Variants in ALDH5A1 observed in about 807,000 individuals in gnomAD.
ALDH5A1 encodes the protein aldehyde dehydrogenase 5 family member A1, also known as succinate-semialdehyde dehydrogenase, mitochondrial.
ALDH5A1 carries 33 observed loss-of-function variants against 54.7 expected under a neutral mutation model. The ratio of observed to expected loss-of-function variants is 0.60; its 90% CI spans 0.46 to 0.81. The LOEUF (loss-of-function observed/expected upper bound fraction) is 0.81, where lower values mean the gene tolerates loss of function less well. Among genes scored for constraint, ALDH5A1 ranks in the 30% least tolerant of loss-of-function variants. The probability of loss-of-function intolerance (pLI) is 0.00; values close to 1 mark genes in which losing one functional copy is unlikely to be tolerated. For missense variants in ALDH5A1, 657 were observed against 711.0 expected, an observed-to-expected ratio of 0.92 and a Z score of 0.86; for synonymous variants, 294 against 292.7, an observed-to-expected ratio of 1.00 and a Z score of -0.05.
At chr6:24,522,997 A>G in intron 7 of ALDH5A1, 72 bp downstream of exon 7, 2 of 1,131,152 alleles carry the variant, frequency 1.8e-6, no homozygotes, top group Non-Finnish European at 2.4e-6. Context: ...AGCAAAAAAC[A>G]CTTTGGCTGG....
rs960579417 is a variant in ALDH5A1 at position 24,534,546 on chromosome 6, C to T, written c.*834C>T. ...TGGGCGTGTGTTCAGCACCTCCCAT[C>T]CCATGGATACAGTGGAGATTCCATA... is the stretch of plus-strand genomic sequence containing the variant. On this transcript the variant is annotated 3_prime_UTR_variant, in exon 10 of 10. Coordinates refer to ENST00000357578, the MANE Select transcript of ALDH5A1 (RefSeq NM_001080.3). 4 of 152,328 alleles carry T rather than the reference C, an allele frequency of 2.6e-5. No individual in the cohort carries two copies. The highest frequency in any genetic ancestry group is 5.9e-5 in the Non-Finnish European group (4 of 68,136). 9.4% of individuals were successfully genotyped at this position (152,328 alleles called of 1,614,324 possible).
intron 7 of ALDH5A1, among the ~76,000 whole-genome samples, chr6:24,524,500 C>T (rs1581821219): frequency 6.6e-6 from 1 of 152,136 alleles, no homozygotes; most frequent in African/African-American, 2.4e-5. Flanking sequence ...CTCCTCAGAG[C>T]CTGAGAACCA....
At chr6:24,522,709 C>A in intron 6 of ALDH5A1, 58 bp from the exon 7 acceptor site, 1 of 1,597,406 alleles carries the variant, frequency 6.3e-7, no homozygotes, top group South Asian at 1.1e-5. Context: ...CACACGTTCA[C>A]TGGTCAGGTC....
chr6:24,505,570 CTCTG>C (rs1486903030), intron 4 of ALDH5A1, among the ~76,000 whole-genome samples: 1 of 152,164 alleles, frequency 6.6e-6, no homozygotes, highest in Non-Finnish European at 1.5e-5. Context: ...TATACTTTCC[CTCTG>C]TCTGGAGCAG....
In ALDH5A1 at chr6:24,508,392, T is replaced by TAAAAA. The variant is rs1561871767; in HGVS notation, c.726+3409_726+3410insAAAAA. Among the ~76,000 whole-genome samples the TAAAAA allele has an allele frequency of 1.3e-3, 18 of 13,870 alleles. 1 individual carries two copies. Among genetic ancestry groups the TAAAAA allele is most frequent in the African/African-American group, 3.0e-3 (17 of 5,628 alleles). The allele number at this position is 13,870 out of a possible 152,430, so 9.1% of individuals were successfully genotyped here. A position where few individuals can be genotyped will look rare whatever the true frequency, so the allele number is the denominator to read the frequency against. The stretch of plus-strand genomic sequence containing the variant: ...AAAAAAAAAAAAAAAAAAAAAAGAT[T>TAAAAA]AATAGTCTCTAATCCTCTAATCTCA... On this transcript the variant is annotated intron_variant, in intron 4 of 9. Transcript: ENST00000357578.
chr6:24,522,861 TAGGTA>T lies in ALDH5A1; in HGVS notation c.1111_1115del (p.Gly371TrpfsTer3). The T allele has an allele frequency of 6.2e-7, 1 of 1,614,020 alleles. No individual in the cohort carries two copies. Among genetic ancestry groups the T allele is most frequent in the Admixed American group, 1.7e-5 (1 of 60,000 alleles). ...GAGGCCATGAAGAAGAACCTGCGCG[TAGGTA>T]ATGGATTTGAGGAAGGAACTACTCA... is the stretch of plus-strand genomic sequence containing the variant. On this transcript the variant is annotated frameshift_variant, in exon 7 of 10. Transcript: ENST00000357578. LOFTEE classifies it high-confidence loss of function.
At chr6:24,516,179 G>C (rs1314553775) in intron 5 of ALDH5A1, among the ~76,000 whole-genome samples, 1 of 152,006 alleles carries the variant, frequency 6.6e-6, no homozygotes, top group South Asian at 2.1e-4. Context: ...GCTCACACCT[G>C]TAATCCCAAC....
At position 24,503,413 on chromosome 6, in the gene ALDH5A1, G is replaced by T; in HGVS notation, c.589G>T (p.Val197Leu). Reference protein sequence around the residue: ...RALVLKQPIGVAAVITPWNFP... With the variant: ...RALVLKQPIGLAAVITPWNFP... ...CCTGGTCCTCAAGCAGCCCATAGGC[G>T]TGGCTGCAGTCATCACCCCGGTAGG... The change falls in exon 3 of 10, where the codon GTG becomes TTG. Residue 197 changes from valine to leucine, a missense_variant. By Grantham distance (32) the Val-to-Leu change is conservative. This residue lies in a region of ALDH5A1 where 425 missense variants were observed against 516.4 expected (regional missense o/e 0.82). Coordinates refer to ENST00000357578, the MANE Select transcript of ALDH5A1 (RefSeq NM_001080.3). 6 of 1,613,132 alleles carry T rather than the reference G, an allele frequency of 3.7e-6. No homozygotes were observed. The highest frequency in any genetic ancestry group is 5.1e-6 in the Non-Finnish European group (6 of 1,179,946).
chr6:24,511,491 A>G (rs1276873686), intron 4 of ALDH5A1, among the ~76,000 whole-genome samples: 1 of 151,730 alleles, frequency 6.6e-6, no homozygotes, highest in East Asian at 1.9e-4. Flanking sequence ...ATAATCCCAG[A>G]CTTCTTGGAA....
At chr6:24,527,197 T>G (rs754739978) in intron 7 of ALDH5A1, among the ~76,000 whole-genome samples, 4 of 151,716 alleles carry the variant, frequency 2.6e-5, no homozygotes, top group African/African-American at 4.8e-5. Context: ...TCAAGCAAAT[T>G]ATCAATCAGG....
At position 24,533,664 on chromosome 6, in the gene ALDH5A1, C is replaced by T. The variant is rs1260145227; in HGVS notation, c.1560C>T (p.Gly520=). ...SGLGREGSKY[G]IDEYLELKYV... The stretch of plus-strand genomic sequence containing the variant: ...TTGGGCGAGAGGGGTCCAAGTATGG[C>T]ATTGATGAGTATCTGGAACTCAAGT... The change falls in exon 10 of 10, where the codon GGC becomes GGT. Residue 520 remains glycine, a synonymous_variant. Transcript: ENST00000357578. 6.2e-7 allele frequency: 1 copy of T among 1,614,022 alleles called. No homozygotes were observed. The highest frequency in any genetic ancestry group is 8.5e-7 in the Non-Finnish European group (1 of 1,180,012).
At chr6:24,515,102 C>CTTTTTTTTATTTTTTTTTTTT in intron 4 of ALDH5A1, 65 bp from the exon 5 acceptor site, 1 of 927,262 alleles carries the variant, frequency 1.1e-6, no homozygotes, top group Non-Finnish European at 1.5e-6. Context: ...TTTCTCTTTT[C>CTTTTTTTTATTTTTTTTTTTT]TTTTTTTTTT....
chr6:24,522,770 T>C lies in ALDH5A1; in HGVS notation c.1018T>C (p.Cys340Arg). 6.2e-7 allele frequency: 1 copy of C among 1,613,826 alleles called. No individual in the cohort carries two copies. The highest frequency in any genetic ancestry group is 2.2e-5 in the East Asian group (1 of 44,868). Residue 340 changes from cysteine to arginine, a missense_variant, in exon 7 of 10, where the codon TGT becomes CGT. Physicochemically the swap from Cys to Arg is radical, Grantham distance 180. Transcript: ENST00000357578. Reference protein sequence around the residue: ...ASKFRNTGQTCVCSNQFLVQR... With the variant: ...ASKFRNTGQTRVCSNQFLVQR... Reference sequence around the variant, plus strand: ...TTTGTTTTTGTCTCCTGTCCAGACTTGTGTTTGCTCAAACCAATTCTTGGT... The same window carrying C: ...TTTGTTTTTGTCTCCTGTCCAGACTCGTGTTTGCTCAAACCAATTCTTGGT...
Position 24,503,250 on chromosome 6 carries a change from T to C in ALDH5A1, c.439-13T>C. On this transcript the variant is annotated splice_polypyrimidine_tract_variant and intron_variant, in intron 2 of 9. Transcript: ENST00000357578. ...AGAAGGTAATACGTGGGTTCTTTTC[T>C]GATTTAATTTAGGGAAAGCCACTGA... is the stretch of plus-strand genomic sequence containing the variant. The C allele has an allele frequency of 6.2e-7, 1 of 1,613,222 alleles. No homozygotes were observed.
rs1561879315 is a variant in ALDH5A1 at position 24,528,117 on chromosome 6, A to G, written c.1294A>G (p.Met432Val). Residue 432 changes from methionine (M) to valine (V), a missense_variant, in exon 8 of 10, where the codon ATG becomes GTG. Physicochemically the swap from Met to Val is conservative, Grantham distance 21. Around this residue, in one of 2 missense-constraint regions of ALDH5A1, gnomAD observed 425 missense variants for 516.4 expected, o/e 0.82. Transcript: ENST00000357578. Reference protein sequence around the residue: ...PTLLCNVTQDMLCTHEETFGP... With the variant: ...PTLLCNVTQDVLCTHEETFGP... ...CCTGCTGTGCAATGTCACCCAGGAC[A>G]TGCTGTGCACTCATGAAGAGACTTT... The G allele has an allele frequency of 1.2e-6, 2 of 1,614,006 alleles. No individual in the cohort carries two copies. The highest frequency in any genetic ancestry group is 1.1e-5 in the South Asian group (1 of 91,086).
At chr6:24,502,941 A>G (rs1370797173) in intron 2 of ALDH5A1, among the ~76,000 whole-genome samples, 6 of 151,538 alleles carry the variant, frequency 4.0e-5, no homozygotes, top group Non-Finnish European at 7.4e-5. Flanking sequence ...TTTTTAATGT[A>G]CCAATACTTC....
chr6:24,503,796 A>G (rs1429408703), intron 3 of ALDH5A1, among the ~76,000 whole-genome samples: 1 of 152,190 alleles, frequency 6.6e-6, no homozygotes, highest in Non-Finnish European at 1.5e-5. Flanking sequence ...ACATTTTTAA[A>G]CTTGCCATAG....
At position 24,515,247 on chromosome 6, in the gene ALDH5A1, G is replaced by T; in HGVS notation, c.807G>T (p.Glu269Asp). Residue 269 changes from glutamate to aspartate, a missense_variant, in exon 5 of 10, where the codon GAG (glutamate) becomes GAT (aspartate). Transcript: ENST00000357578. ...GAAAGAATGCCAAGGAAGTAGGGGA[G>T]GCAATTTGTACTGATCCTCTGGTGT... is the stretch of plus-strand genomic sequence containing the variant. ...CSRKNAKEVGEAICTDPLVSK... is the reference protein window; with the variant it reads ...CSRKNAKEVGDAICTDPLVSK... The T allele has an allele frequency of 2.5e-6, 4 of 1,613,532 alleles. No individual in the cohort carries two copies. The highest frequency in any genetic ancestry group is 3.4e-6 in the Non-Finnish European group (4 of 1,179,922).
intron 3 of ALDH5A1, 50 bp downstream of exon 3, chr6:24,503,483 T>G (rs1581807595): frequency 1.9e-6 from 3 of 1,595,538 alleles, no homozygotes; most frequent in Non-Finnish European, 2.6e-6. Context: ...GGATAGGGAG[T>G]TGGGAAACAA....
Sources: allele counts gnomAD v4.1 joint callset (sites outside exome capture counted in the v4.1 genomes callset), GRCh38; gene constraint gnomAD v4.1.1; regional missense constraint gnomAD v4.1.1; transcripts MANE v1.5; gene names NCBI Gene and HGNC (gene_info 2026-07-23, HGNC 2026-07-21).